ERLIN1: variants seen among roughly 807,000 people sequenced by gnomAD.
ERLIN1 encodes the protein erlin-1.
ERLIN1 carries 24 observed loss-of-function variants against 46.9 expected under a neutral mutation model. That is an observed-to-expected ratio of 0.51 (90% CI 0.37 to 0.72). ERLIN1 has a LOEUF of 0.72. ERLIN1 is among the 30% of genes least tolerant of loss of function. The pLI, the probability that ERLIN1 is intolerant of heterozygous loss-of-function variation, is 0.00. For synonymous variants in ERLIN1, 158 were observed against 143.2 expected, an observed-to-expected ratio of 1.10 and a Z score of -0.74; for missense variants, 293 against 417.9, an observed-to-expected ratio of 0.70 and a Z score of 2.61.
At chr10:100,169,768 GT>G (rs1843880755) in intron 6 of ERLIN1, among the ~76,000 whole-genome samples, 1 of 152,100 alleles carries the variant, frequency 6.6e-6, no homozygotes, top group Admixed American at 6.5e-5. Flanking sequence ...CATAAACTAT[GT>G]TTCTATTTTT....
At chr10:100,163,902 T>C in intron 8 of ERLIN1, 102 bp downstream of exon 8, 3 of 710,444 alleles carry the variant, frequency 4.2e-6, no homozygotes, top group South Asian at 1.8e-5. Flanking sequence ...CCACTACCTA[T>C]GATGCAATCT....
At chr10:100,166,827 T>C (rs1360966357) in intron 7 of ERLIN1, among the ~76,000 whole-genome samples, 3 of 152,186 alleles carry the variant, frequency 2.0e-5, no homozygotes, top group African/African-American at 7.2e-5. Flanking sequence ...CAGCCCTGGA[T>C]ACATAAAAGA....
chr10:100,183,862 CAAAATTATAAAAAGA>C (rs1564821204), intron 1 of ERLIN1, 25 bp from the exon 2 acceptor site: 2 of 1,550,228 alleles, frequency 1.3e-6, no homozygotes, highest in Admixed American at 3.4e-5. Flanking sequence ...TTCAATTTGA[CAAAATTATAAAAAGA>C]AAAATTATCT....
intron 3 of ERLIN1, 36 bp from the exon 4 acceptor site, chr10:100,178,230 G>A: frequency 1.5e-6 from 2 of 1,367,882 alleles, no homozygotes; most frequent in Non-Finnish European, 1.0e-6. Context: ...ACTACTAAAG[G>A]CAATCCATAA....
Position 100,185,614 on chromosome 10 carries a change from G to C in ERLIN1, c.13C>G (p.Gln5Glu). 7 of 1,613,954 alleles carry C rather than the reference G, an allele frequency of 4.3e-6. No individual in the cohort carries two copies. Among genetic ancestry groups the C allele is most frequent in the Non-Finnish European group, 5.9e-6 (7 of 1,179,818 alleles). Residue 5 changes from glutamine to glutamate, a missense_variant, in exon 1 of 11, where the codon CAA becomes GAA. By Grantham distance (29) the Gln-to-Glu change is conservative. Around this residue, in one of 3 missense-constraint regions of ERLIN1, gnomAD observed 76 missense variants for 77.0 expected, o/e 0.99. Coordinates refer to ENST00000421367, the MANE Select transcript of ERLIN1 (RefSeq NM_006459.4). Reference protein sequence around the residue: MNMTQARVLVAAVVG... With the variant: MNMTEARVLVAAVVG... ...ACTGCAGCCACCAGAACCCGGGCTT[G>C]AGTCATATTCATTCTCGTTCCTCCT...
chr10:100,173,288 A>G (rs975007348), intron 6 of ERLIN1, among the ~76,000 whole-genome samples: 2 of 152,144 alleles, frequency 1.3e-5, no homozygotes, highest in African/African-American at 4.8e-5. Flanking sequence ...ACACTAGAGA[A>G]GCCTCAATAT....
intron 6 of ERLIN1, among the ~76,000 whole-genome samples, chr10:100,169,995 G>A (rs1843894536): frequency 6.6e-6 from 1 of 152,152 alleles, no homozygotes; most frequent in African/African-American, 2.4e-5. Context: ...TCCAGCCTGG[G>A]CAACAGAGGG....
At position 100,181,998 on chromosome 10, in the gene ERLIN1, T is replaced by C. The variant is rs148804146; in HGVS notation, c.195+1758A>G. Among the ~76,000 whole-genome samples, 47 of 152,246 alleles carry C rather than the reference T, an allele frequency of 3.1e-4. No individual in the cohort carries two copies. In the East Asian group the frequency reaches 8.9e-3, roughly 29 times the overall value. ...GTACTAATTTCATTTACATCTCTTA[T>C]GATAGTTTATTATTAAATATATACA... On this transcript the variant is annotated intron_variant, in intron 2 of 10. Coordinates refer to ENST00000421367, the MANE Select transcript of ERLIN1 (RefSeq NM_006459.4).
intron 2 of ERLIN1, among the ~76,000 whole-genome samples, chr10:100,179,971 T>A (rs1001728164): frequency 6.6e-6 from 1 of 152,208 alleles, no homozygotes; most frequent in African/African-American, 2.4e-5. Context: ...AAAAGAGATT[T>A]TATGCATACA....
chr10:100,160,783 C>T (rs1843328167), intron 8 of ERLIN1, among the ~76,000 whole-genome samples: 1 of 152,078 alleles, frequency 6.6e-6, no homozygotes, highest in South Asian at 2.1e-4. Flanking sequence ...CCTGTCTCTA[C>T]AGAAAATACA....
intron 3 of ERLIN1, 66 bp from the exon 4 acceptor site, chr10:100,178,260 C>G (rs1367134540): frequency 2.0e-6 from 2 of 996,324 alleles, no homozygotes; most frequent in African/African-American, 3.3e-5. Flanking sequence ...ATAGATAGAC[C>G]TGGGGAGAAG....
Position 100,185,758 on chromosome 10 carries a change from C to A in ERLIN1, c.-132G>T, listed in dbSNP as rs2274173. On this transcript the variant is annotated 5_prime_UTR_variant, in exon 1 of 11. Transcript: ENST00000421367. ...CAGGCTGAGCCGGGGAGTCCAGTACCCCTGTCCCCTCATTCTTCCCTTCTG... is the reference window on the plus strand; with the variant it reads ...CAGGCTGAGCCGGGGAGTCCAGTACACCTGTCCCCTCATTCTTCCCTTCTG... The A allele has an allele frequency of 1.2e-3, 792 of 683,784 alleles. 9 individuals are homozygous for A. In the East Asian group the frequency reaches 0.02, roughly 17 times the overall value. 42.4% of individuals were successfully genotyped at this position (683,784 alleles called of 1,614,324 possible).
At chr10:100,179,058 C>A in intron 3 of ERLIN1, 143 bp downstream of exon 3, 1 of 599,066 alleles carries the variant, frequency 1.7e-6, no homozygotes, top group Non-Finnish European at 3.0e-6. Flanking sequence ...TGGAGATAGG[C>A]CTTTGCTCAA....
intron 8 of ERLIN1, among the ~76,000 whole-genome samples, chr10:100,161,673 A>G (rs1843370932): frequency 6.6e-6 from 1 of 152,200 alleles, no homozygotes; most frequent in South Asian, 2.1e-4. Flanking sequence ...TCCACATCGC[A>G]AGACTTAACA....
chr10:100,170,417 C>T (rs1243809661), intron 6 of ERLIN1, among the ~76,000 whole-genome samples: 8 of 152,032 alleles, frequency 5.3e-5, no homozygotes, highest in African/African-American at 1.7e-4. Flanking sequence ...ACTTTAAGAA[C>T]GTATAACAAA....
At chr10:100,171,106 T>C (rs1307332699) in intron 6 of ERLIN1, among the ~76,000 whole-genome samples, 1 of 152,198 alleles carries the variant, frequency 6.6e-6, no homozygotes, top group Non-Finnish European at 1.5e-5. Context: ...AGATACAATT[T>C]TTATAATTTC....
chr10:100,171,053 G>A (rs1461359687), intron 6 of ERLIN1, among the ~76,000 whole-genome samples: 1 of 152,186 alleles, frequency 6.6e-6, no homozygotes, highest in Admixed American at 6.5e-5. Flanking sequence ...ATGGGTTGCA[G>A]ATGAATTAAA....
Position 100,164,099 on chromosome 10 carries a change from T to C in ERLIN1, c.564-4A>G. On this transcript the variant is annotated splice_region_variant and splice_polypyrimidine_tract_variant and intron_variant, in intron 7 of 10. Coordinates refer to ENST00000421367, the MANE Select transcript of ERLIN1 (RefSeq NM_006459.4). Reference sequence around the variant, plus strand: ...GAGTTTTGTCTTCTCAGCCTCCCTGTGAAGCAAAATGTTATAAAAATTAGA... The same window carrying C: ...GAGTTTTGTCTTCTCAGCCTCCCTGCGAAGCAAAATGTTATAAAAATTAGA... 1 of 1,590,892 alleles carries C rather than the reference T, an allele frequency of 6.3e-7. No individual in the cohort carries two copies. Among genetic ancestry groups the C allele is most frequent in the Non-Finnish European group, 8.6e-7 (1 of 1,160,872 alleles).
At chr10:100,178,095 C>G in intron 4 of ERLIN1, 38 bp downstream of exon 4, 1 of 1,308,658 alleles carries the variant, frequency 7.6e-7, no homozygotes, top group South Asian at 1.3e-5. Flanking sequence ...AATCCTCTGG[C>G]TATAACTATA....
Sources: allele counts gnomAD v4.1 joint callset (sites outside exome capture counted in the v4.1 genomes callset), GRCh38; gene constraint gnomAD v4.1.1; regional missense constraint gnomAD v4.1.1; transcripts MANE v1.5; gene names NCBI Gene and HGNC (gene_info 2026-07-23, HGNC 2026-07-21).